Variants in UBP1 observed in about 807,000 individuals in gnomAD.
UBP1 encodes the protein upstream binding protein 1.
UBP1 carries 22 observed loss-of-function variants against 76.1 expected under a neutral mutation model. The ratio of observed to expected loss-of-function variants is 0.29; its 90% CI spans 0.21 to 0.41. The LOEUF (loss-of-function observed/expected upper bound fraction) is 0.41. Ranked by LOEUF, UBP1 falls within the 10% of genes least tolerant of loss-of-function variation. The probability of loss-of-function intolerance (pLI) is 1.00; values close to 1 mark genes in which losing one functional copy is unlikely to be tolerated. For missense variants in UBP1, 436 were observed against 668.1 expected (o/e 0.65, Z 3.83); for synonymous variants, 224 against 237.1 (o/e 0.94, Z 0.51).
chr3:33,409,300 T>C lies in UBP1; in HGVS notation c.755A>G (p.Glu252Gly), dbSNP rs1241656774. 1 of 1,614,096 alleles carries C rather than the reference T, an allele frequency of 6.2e-7. No individual in the cohort carries two copies. Among genetic ancestry groups the C allele is most frequent in the East Asian group, 2.2e-5 (1 of 44,898 alleles). The change falls in exon 7 of 16, where the codon GAG becomes GGG. Residue 252 changes from glutamate to glycine, a missense_variant. Glu to Gly is a moderately conservative substitution (Grantham distance 98). Around this residue, in one of 3 missense-constraint regions of UBP1, gnomAD observed 65 missense variants for 157.4 expected, o/e 0.41. Coordinates refer to ENST00000283629, the MANE Select transcript of UBP1 (RefSeq NM_014517.5). The stretch of plus-strand genomic sequence containing the variant: ...TTCTTTTTCATGAGCTGTTCTCTTC[T>C]CCATCTTCTCTCGGTCAGTTTTTTG... The part of the protein sequence containing the change: ...RKQKTDREKM[E>G]KRTAHEKEKY...
intron 8 of UBP1, among the ~76,000 whole-genome samples, chr3:33,406,407 A>G (rs1232354087): frequency 6.6e-6 from 1 of 152,212 alleles, no homozygotes; most frequent in Non-Finnish European, 1.5e-5. Context: ...CTACTATCTG[A>G]AAGATTTTCC....
chr3:33,425,228 T>C (rs1444549013), intron 2 of UBP1, among the ~76,000 whole-genome samples: 1 of 152,208 alleles, frequency 6.6e-6, no homozygotes, highest in African/African-American at 2.4e-5. Context: ...AGCACAGAAC[T>C]GCTTCATGTT....
intron 5 of UBP1, among the ~76,000 whole-genome samples, chr3:33,411,146 G>A (rs969189590): frequency 1.3e-5 from 2 of 151,882 alleles, no homozygotes; most frequent in East Asian, 1.9e-4. Context: ...CTAAAGCCAG[G>A]TGATGGTTAC....
intron 15 of UBP1, chr3:33,391,305 T>C (rs1483573526): frequency 6.6e-6 from 1 of 152,260 alleles, no homozygotes; most frequent in Non-Finnish European, 1.5e-5. Flanking sequence ...CACCTGACTT[T>C]TAAAACAGTC....
chr3:33,410,005 G>C (rs2044528284), intron 5 of UBP1, among the ~76,000 whole-genome samples: 1 of 152,128 alleles, frequency 6.6e-6, no homozygotes, highest in African/African-American at 2.4e-5. Context: ...TCTGTTGTTT[G>C]CCCTCTACTG....
At chr3:33,391,188 G>A (rs1203342900) in intron 15 of UBP1, 2 of 152,198 alleles carry the variant, frequency 1.3e-5, no homozygotes, top group Admixed American at 1.3e-4. Flanking sequence ...AACATGTGAG[G>A]CGCAAAATAA....
rs1216994341 is a variant in UBP1 at position 33,389,560 on chromosome 3, C to A, written c.*771G>T. 6.6e-6 allele frequency: 1 copy of A among 152,018 alleles called. No individual in the cohort carries two copies. Among genetic ancestry groups the A allele is most frequent in the East Asian group, 1.9e-4 (1 of 5,192 alleles). 9.4% of individuals were successfully genotyped at this position (152,018 alleles called of 1,614,324 possible). A position where few individuals can be genotyped will look rare whatever the true frequency, so the allele number is the denominator to read the frequency against. The stretch of plus-strand genomic sequence containing the variant: ...ACCACGAGTTTAAAAGGCAAGGAAT[C>A]TCCAAAAATGAAAACCAGAAACTAA... On this transcript the variant is annotated 3_prime_UTR_variant, in exon 16 of 16. Transcript: ENST00000283629.
chr3:33,426,637 T>A (rs2154059317), intron 1 of UBP1, among the ~76,000 whole-genome samples: 1 of 152,314 alleles, frequency 6.6e-6, no homozygotes, highest in South Asian at 2.1e-4. Context: ...TTGTTTTCTA[T>A]CTCTACGGAT....
intron 15 of UBP1, 151 bp from the exon 16 acceptor site, chr3:33,390,519 A>AG (rs2043716995): frequency 3.8e-6 from 3 of 786,294 alleles, no homozygotes; most frequent in African/African-American, 1.7e-5. Flanking sequence ...AACTTGCTCT[A>AG]GCTCCTCTTC....
chr3:33,419,101 A>G (rs760304594), intron 2 of UBP1, among the ~76,000 whole-genome samples: 2 of 152,188 alleles, frequency 1.3e-5, no homozygotes, highest in African/African-American at 2.4e-5. Flanking sequence ...GTGTAACAGA[A>G]AGAAGAGTTG....
chr3:33,435,216 A>C (rs1042260085), intron 1 of UBP1, among the ~76,000 whole-genome samples: 1 of 152,218 alleles, frequency 6.6e-6, no homozygotes, highest in Admixed American at 6.5e-5. Context: ...ATCCAGGAAA[A>C]AGTTGTTAAA....
chr3:33,431,153 A>C (rs2045105604), intron 1 of UBP1, among the ~76,000 whole-genome samples: 1 of 152,180 alleles, frequency 6.6e-6, no homozygotes, highest in Non-Finnish European at 1.5e-5. Context: ...GTGAAGACTG[A>C]ATTAGGAGAC....
intron 1 of UBP1, among the ~76,000 whole-genome samples, chr3:33,438,936 T>C (rs1054815130): frequency 1.3e-5 from 2 of 152,224 alleles, no homozygotes; most frequent in African/African-American, 2.4e-5. Context: ...TTAGACTTTA[T>C]TAGTCAAGTC....
intron 3 of UBP1, 61 bp downstream of exon 3, chr3:33,416,697 T>A (rs1264084129): frequency 2.0e-5 from 26 of 1,299,368 alleles, no homozygotes; most frequent in Middle Eastern, 3.8e-4. Flanking sequence ...AATTTTTTTT[T>A]AAACAAAAAC....
intron 1 of UBP1, among the ~76,000 whole-genome samples, chr3:33,435,702 G>A (rs112650905): frequency 0.014 from 2,187 of 152,258 alleles, 54 homozygotes; most frequent in African/African-American, 0.05. Context: ...CCTTAAACAT[G>A]CTCAGATCAG....
At chr3:33,392,249 T>C (rs370131216) in intron 15 of UBP1, 65 of 242,514 alleles carry the variant, frequency 2.7e-4, no homozygotes, top group African/African-American at 1.4e-3. Flanking sequence ...CTTTCCCCAA[T>C]AGGAGTTTCA....
intron 2 of UBP1, among the ~76,000 whole-genome samples, chr3:33,424,254 CAG>C (rs1005048251): frequency 2.5e-4 from 38 of 152,110 alleles, no homozygotes; most frequent in African/African-American, 8.7e-4. Context: ...TAAAAACAAA[CAG>C]GGAATTGTCA....
chr3:33,440,410 C>CCCCCGGCCCCG (rs1212197821), upstream of UBP1: 2 of 152,548 alleles, frequency 1.3e-5, no homozygotes, highest in East Asian at 3.9e-4. Flanking sequence ...GCTTCCGCCT[C>CCCCCGGCCCCG]CCCCGGCCCC....
chr3:33,432,524 T>C (rs1469697302), intron 1 of UBP1, among the ~76,000 whole-genome samples: 1 of 152,168 alleles, frequency 6.6e-6, no homozygotes, highest in Non-Finnish European at 1.5e-5. Context: ...ACTAAACAAA[T>C]ACAAGCAACT....
Sources: allele counts gnomAD v4.1 joint callset (sites outside exome capture counted in the v4.1 genomes callset), GRCh38; gene constraint gnomAD v4.1.1; regional missense constraint gnomAD v4.1.1; transcripts MANE v1.5; gene names NCBI Gene and HGNC (gene_info 2026-07-23, HGNC 2026-07-21).